The following SLC22A25 variants were observed in gnomAD, a reference collection of about 807,000 sequenced individuals.
SLC22A25 encodes solute carrier family 22 member 25, also known as MGI:2442751, MGI:2385316, MGI:3042283, MGI:3645714, MGI:3605624, MGI:2442750.
SLC22A25 carries 44 observed loss-of-function variants against 45.9 expected under a neutral mutation model. The ratio of observed to expected loss-of-function variants is 0.96; its 90% confidence interval spans 0.75 to 1.23. SLC22A25 has a LOEUF of 1.23. Among genes scored for constraint, SLC22A25 ranks in the 50% most tolerant of loss-of-function variants. The probability of loss-of-function intolerance (pLI) is 0.00; values close to 1 mark genes in which losing one functional copy is unlikely to be tolerated. For synonymous variants in SLC22A25, 283 were observed against 238.6 expected, an observed-to-expected ratio of 1.19 and a Z score of -1.72; for missense variants, 800 against 666.4, an observed-to-expected ratio of 1.20 and a Z score of -2.21.
Position 63,159,740 on chromosome 11 carries a change from T to C in SLC22A25, c.*4084A>G, listed in dbSNP as rs897658659. ...GAGGGCTCAGAAGAAGACAGGAAAA[T>C]GTTGGAAAGTTTGGAACTTCCTAGA... On this transcript the variant is annotated 3_prime_UTR_variant, in exon 12 of 12. Transcript: ENST00000306494. Among the ~76,000 whole-genome samples, 5 of 152,154 alleles carry C rather than the reference T, an allele frequency of 3.3e-5. No individual in the cohort carries two copies. Among genetic ancestry groups the C allele is most frequent in the African/African-American group, 1.2e-4 (5 of 41,428 alleles).
At chr11:63,216,241 C>T (rs567931758) in intron 7 of SLC22A25, among the ~76,000 whole-genome samples, 50 of 152,186 alleles carry the variant, frequency 3.3e-4, no homozygotes, top group Admixed American at 8.5e-4. Flanking sequence ...GGCTAGGTTG[C>T]GGAGAAAAAG....
chr11:63,180,851 A>G (rs2088294711), intron 8 of SLC22A25, 76 bp from the exon 9 acceptor site: 3 of 976,800 alleles, frequency 3.1e-6, no homozygotes, highest in Non-Finnish European at 3.2e-6. Flanking sequence ...TTGTCAACCA[A>G]CAGATGACAA....
chr11:63,186,820 G>A (rs1302735573), intron 7 of SLC22A25, among the ~76,000 whole-genome samples: 2 of 144,958 alleles, frequency 1.4e-5, no homozygotes, highest in Admixed American at 1.4e-4. Flanking sequence ...CCTATTTCTT[G>A]TTTTTGTCAG....
intron 2 of SLC22A25, among the ~76,000 whole-genome samples, chr11:63,238,422 G>T (rs914084944): frequency 2.0e-5 from 3 of 152,136 alleles, no homozygotes; most frequent in African/African-American, 7.2e-5. Context: ...GCAACCACAG[G>T]CTGAGCCTTA....
intron 9 of SLC22A25, among the ~76,000 whole-genome samples, chr11:63,179,054 T>A (rs1435422635): frequency 1.3e-5 from 2 of 152,066 alleles, no homozygotes; most frequent in African/African-American, 2.4e-5. Flanking sequence ...CTCCACTTCG[T>A]GGGTTGAAGC....
Position 63,183,714 on chromosome 11 carries a change from C to G in SLC22A25, c.934G>C (p.Glu312Gln). 6.2e-7 allele frequency: 1 copy of G among 1,613,122 alleles called. No individual in the cohort carries two copies. Among genetic ancestry groups the G allele is most frequent in the Non-Finnish European group, 8.5e-7 (1 of 1,179,300 alleles). ...CTTACCTCCATGGTTAGGATGTCTT[C>G]AGCATTCTTCATTCCATTCCTGTGT... ...AAHRNGMKNA[E>Q]DILTMEVLKS... The change falls in exon 8 of 12, where the codon GAA becomes CAA. Residue 312 changes from glutamate to glutamine, a missense_variant. Coordinates refer to ENST00000306494, the MANE Select transcript of SLC22A25 (RefSeq NM_199352.6).
In SLC22A25 at chr11:63,232,113, C is replaced by T. The variant is rs571145646; in HGVS notation, c.-444-2017G>A. The stretch of plus-strand genomic sequence containing the variant: ...TTGGCTTAGGATTGACTTGGCAATG[C>T]GGGCTCTTTTTTGGTTCCATATGAA... On this transcript the variant is annotated intron_variant, in intron 3 of 11. Transcript: ENST00000306494. 2.9e-3 allele frequency among the ~76,000 whole-genome samples: 444 copies of T among 152,120 alleles called. 3 individuals carry two copies. The highest frequency in any genetic ancestry group is 9.4e-3 in the African/African-American group (390 of 41,490).
chr11:63,174,764 C>T (rs1014284200), intron 9 of SLC22A25, among the ~76,000 whole-genome samples: 1 of 152,096 alleles, frequency 6.6e-6, no homozygotes, highest in Non-Finnish European at 1.5e-5. Flanking sequence ...GTAACTGACA[C>T]TTTATGCCCA....
At chr11:63,185,727 T>C (rs1001859711) in intron 7 of SLC22A25, among the ~76,000 whole-genome samples, 5 of 125,004 alleles carry the variant, frequency 4.0e-5, no homozygotes, top group Non-Finnish European at 6.4e-5. Context: ...CATAGTGTGA[T>C]ATTCCCCTTC....
intron 7 of SLC22A25, among the ~76,000 whole-genome samples, chr11:63,203,937 C>T (rs1193025350): frequency 6.6e-6 from 1 of 152,070 alleles, no homozygotes; most frequent in Non-Finnish European, 1.5e-5. Context: ...AAAGGGAAGC[C>T]CATCAGACTA....
intron 8 of SLC22A25, 133 bp downstream of exon 8, chr11:63,183,561 G>A: frequency 8.8e-7 from 1 of 1,132,232 alleles, no homozygotes; most frequent in Non-Finnish European, 1.3e-6. Flanking sequence ...CACCCATTGA[G>A]AATGATCGTG....
chr11:63,185,391 G>A (rs1005299511), intron 7 of SLC22A25, among the ~76,000 whole-genome samples: 1 of 151,606 alleles, frequency 6.6e-6, no homozygotes, highest in African/African-American at 2.4e-5. Context: ...TGTGGTGTTT[G>A]GTTTTCTGTC....
chr11:63,178,714 C>T (rs1450559271), intron 9 of SLC22A25, among the ~76,000 whole-genome samples: 1 of 151,266 alleles, frequency 6.6e-6, no homozygotes, highest in African/African-American at 2.4e-5. Flanking sequence ...TTTATTAATC[C>T]CTTGTCGGTT....
chr11:63,234,581 CTCTTTA>C (rs1444101027), intron 3 of SLC22A25, among the ~76,000 whole-genome samples: 1 of 152,178 alleles, frequency 6.6e-6, no homozygotes, highest in Non-Finnish European at 1.5e-5. Context: ...TGGGTCTTGA[CTCTTTA>C]TCCAATTTGC....
At chr11:63,192,733 GAGAA>G (rs1347601529) in intron 7 of SLC22A25, among the ~76,000 whole-genome samples, 8 of 152,128 alleles carry the variant, frequency 5.3e-5, no homozygotes, top group African/African-American at 1.7e-4. Context: ...ACATGAAATA[GAGAA>G]AGAAGGCATT....
intron 7 of SLC22A25, 114 bp downstream of exon 7, chr11:63,217,200 T>C: frequency 8.3e-7 from 1 of 1,203,908 alleles, no homozygotes; most frequent in Non-Finnish European, 1.1e-6. Context: ...TTAGCACAGA[T>C]TAGGAGAATG....
chr11:63,190,699 T>G (rs2088775713), intron 7 of SLC22A25, among the ~76,000 whole-genome samples: 1 of 152,186 alleles, frequency 6.6e-6, no homozygotes, highest in Non-Finnish European at 1.5e-5. Context: ...TGCTCTTTGA[T>G]GATGGTGACT....
chr11:63,169,881 G>A (rs142915771), intron 9 of SLC22A25, among the ~76,000 whole-genome samples: 3,230 of 152,104 alleles, frequency 0.021, 122 homozygotes, highest in African/African-American at 0.073. Flanking sequence ...GCACCACATC[G>A]CACTTATTCT....
chr11:63,170,978 C>T (rs2087860083), intron 9 of SLC22A25, among the ~76,000 whole-genome samples: 1 of 152,164 alleles, frequency 6.6e-6, no homozygotes, highest in Non-Finnish European at 1.5e-5. Context: ...ATTAAGTAGG[C>T]TTTATCCCTG....
Sources: gnomAD v4.1 joint callset for allele counts (sites outside exome capture counted in the v4.1 genomes callset) on GRCh38, gnomAD v4.1.1 for gene constraint, MANE v1.5 for transcripts, NCBI Gene and HGNC (gene_info 2026-07-23, HGNC 2026-07-21) for gene names.